Variants in DEUP1 observed in about 807,000 individuals in gnomAD.
DEUP1 encodes coiled-coil domain containing 67.
A neutral mutation model predicts 87.4 loss-of-function variants in DEUP1; 82 were observed. That is an observed-to-expected ratio of 0.94 (90% confidence interval 0.78 to 1.13). DEUP1 has a LOEUF of 1.13. Ranked by LOEUF, DEUP1 falls within the 50% of genes most tolerant of loss-of-function variation. The pLI is 0.00. For missense variants in DEUP1, 663 were observed against 681.5 expected (o/e 0.97, Z 0.30); for synonymous variants, 214 against 222.7 (o/e 0.96, Z 0.35).
At chr11:93,360,634 A>G (rs1274438358) in intron 4 of DEUP1, among the ~76,000 whole-genome samples, 1 of 152,178 alleles carries the variant, frequency 6.6e-6, no homozygotes, top group Non-Finnish European at 1.5e-5. Context: ...ACTGAAAAGT[A>G]TAATAACCAA....
chr11:93,396,179 T>G (rs1301610814), intron 10 of DEUP1, 60 bp from the exon 11 acceptor site: 5 of 1,058,948 alleles, frequency 4.7e-6, no homozygotes, highest in Admixed American at 2.5e-5. Context: ...GACAAAATTT[T>G]AATAGAATTA....
chr11:93,388,681 T>A (rs932160393), intron 8 of DEUP1, among the ~76,000 whole-genome samples: 15 of 152,188 alleles, frequency 9.9e-5, no homozygotes, highest in Non-Finnish European at 2.1e-4. Flanking sequence ...TTCCTTTTTT[T>A]AAATGGGTTA....
intron 11 of DEUP1, among the ~76,000 whole-genome samples, chr11:93,402,379 C>T (rs1041640238): frequency 2.4e-4 from 36 of 151,830 alleles, no homozygotes; most frequent in African/African-American, 7.2e-4. Context: ...AGGATTTGGA[C>T]GAAGGGGAAC....
intron 7 of DEUP1, among the ~76,000 whole-genome samples, chr11:93,376,152 C>T (rs1049982169): frequency 2.0e-5 from 3 of 152,044 alleles, no homozygotes; most frequent in Non-Finnish European, 4.4e-5. Context: ...TGTTGTTGGC[C>T]AGGCTGGTCT....
intron 7 of DEUP1, among the ~76,000 whole-genome samples, chr11:93,376,655 T>C (rs1275917372): frequency 6.6e-6 from 1 of 152,156 alleles, no homozygotes; most frequent in Non-Finnish European, 1.5e-5. Context: ...TTTTCTTTTA[T>C]TGGGTTTGAG....
intron 2 of DEUP1, among the ~76,000 whole-genome samples, chr11:93,334,950 T>C (rs967000537): frequency 1.3e-5 from 2 of 152,214 alleles, no homozygotes; most frequent in Admixed American, 1.3e-4. Flanking sequence ...TACTTACTAG[T>C]TTTCCCTTTT....
intron 9 of DEUP1, among the ~76,000 whole-genome samples, chr11:93,392,910 CCCTCCTCCTTCTCCTCCCTCCTCTTCCT>C (rs1946807774): frequency 6.6e-6 from 1 of 151,266 alleles, no homozygotes; most frequent in Non-Finnish European, 1.5e-5. Context: ...TGCCTGGGAT[CCCTCCTCCTTCTCCTCCCTCCTCTTCCT>C]CCTCCTCCTC....
intron 7 of DEUP1, among the ~76,000 whole-genome samples, chr11:93,373,453 C>T: frequency 6.6e-6 from 1 of 151,680 alleles, no homozygotes; most frequent in African/African-American, 2.4e-5. Context: ...GGAGCAATAA[C>T]AAAATGATGT....
intron 13 of DEUP1, among the ~76,000 whole-genome samples, chr11:93,417,128 G>T (rs1195912656): frequency 6.9e-6 from 1 of 144,410 alleles, no homozygotes; most frequent in African/African-American, 2.6e-5. Flanking sequence ...ACAAGACAGG[G>T]ATGCCCTCTC....
At chr11:93,348,251 T>C (rs1262835030) in intron 2 of DEUP1, among the ~76,000 whole-genome samples, 1 of 152,178 alleles carries the variant, frequency 6.6e-6, no homozygotes, top group African/African-American at 2.4e-5. Context: ...TTTGTCTAGC[T>C]AGCTGTTTTT....
chr11:93,357,125 T>C (rs1944934034), intron 4 of DEUP1, 82 bp downstream of exon 4: 2 of 812,004 alleles, frequency 2.5e-6, no homozygotes, highest in Non-Finnish European at 1.9e-6. Context: ...CTTTAAACTG[T>C]TTTCAGTATA....
At chr11:93,418,585 G>T (rs1431200600) in intron 13 of DEUP1, among the ~76,000 whole-genome samples, 3 of 151,516 alleles carry the variant, frequency 2.0e-5, no homozygotes, top group Non-Finnish European at 4.4e-5. Flanking sequence ...CTGTTGGTGG[G>T]ACTGTAAACT....
intron 13 of DEUP1, among the ~76,000 whole-genome samples, chr11:93,415,723 T>C (rs1947597408): frequency 6.6e-6 from 1 of 152,002 alleles, no homozygotes; most frequent in South Asian, 2.1e-4. Flanking sequence ...ATAAATGATA[T>C]CATATGATAT....
intron 7 of DEUP1, among the ~76,000 whole-genome samples, chr11:93,372,198 G>A (rs1173330820): frequency 3.3e-5 from 5 of 152,114 alleles, no homozygotes; most frequent in Non-Finnish European, 1.5e-5. Flanking sequence ...AAAGTGCTGG[G>A]ATTACAGGCG....
At chr11:93,386,217 C>A (rs1307941700) in intron 8 of DEUP1, among the ~76,000 whole-genome samples, 1 of 152,100 alleles carries the variant, frequency 6.6e-6, no homozygotes, top group African/African-American at 2.4e-5. Context: ...CCACCAAACT[C>A]GCCATCTTGT....
At chr11:93,436,622 C>T (rs1040100814) in intron 13 of DEUP1, among the ~76,000 whole-genome samples, 2 of 152,102 alleles carry the variant, frequency 1.3e-5, no homozygotes, top group African/African-American at 4.8e-5. Context: ...TTGCATGATC[C>T]CTAGTTTTGG....
At position 93,385,517 on chromosome 11, in the gene DEUP1, C is replaced by T. The variant is rs754812846; in HGVS notation, c.909C>T (p.Cys303=). ...GAGAATTATTAAAAATAGGAGAGTG[C>T]CAAAATGCTCAAGGAAATAAAACAA... ...LHRELLKIGE[C]QNAQGNKTRL... Residue 303 remains cysteine, a synonymous_variant, in exon 8 of 14, where the codon TGC becomes TGT. Coordinates refer to ENST00000298050, the MANE Select transcript of DEUP1 (RefSeq NM_181645.4). 3 of 1,606,340 alleles carry T rather than the reference C, an allele frequency of 1.9e-6. No homozygotes were observed. Among genetic ancestry groups the T allele is most frequent in the African/African-American group, 1.3e-5 (1 of 74,404 alleles).
In DEUP1 at chr11:93,389,498, T is replaced by G. The variant is rs539903640; in HGVS notation, c.1041+373T>G. On this transcript the variant is annotated intron_variant, in intron 9 of 13. Transcript: ENST00000298050. ...GCCTCATTTCTAAGGTGGAAATAATTGGTACCTACCTCATAAGTTTGTGAT... is the reference window on the plus strand; with the variant it reads ...GCCTCATTTCTAAGGTGGAAATAATGGGTACCTACCTCATAAGTTTGTGAT... Among the ~76,000 whole-genome samples the G allele has an allele frequency of 3.3e-5, 5 of 152,212 alleles. No homozygotes were observed. The East Asian group carries it at 9.7e-4, about 29-fold the overall frequency.
intron 13 of DEUP1, among the ~76,000 whole-genome samples, chr11:93,427,091 C>A (rs2134485071): frequency 7.1e-6 from 1 of 140,532 alleles, no homozygotes; most frequent in South Asian, 2.5e-4. Context: ...ATCAAGCTAC[C>A]AATGACTTTC....
Sources: gnomAD v4.1 joint callset for allele counts (sites outside exome capture counted in the v4.1 genomes callset) on GRCh38, gnomAD v4.1.1 for gene constraint, MANE v1.5 for transcripts, NCBI Gene and HGNC (gene_info 2026-07-23, HGNC 2026-07-21) for gene names.